WDPCP: variants seen among roughly 807,000 people sequenced by gnomAD.
WDPCP encodes WD repeat-containing and planar cell polarity effector protein fritz homolog.
WDPCP carries 71 observed loss-of-function variants against 93.1 expected under a neutral mutation model. The ratio of observed to expected loss-of-function variants is 0.76; its 90% CI spans 0.63 to 0.93. The LOEUF (loss-of-function observed/expected upper bound fraction) is 0.93. WDPCP is among the 40% of genes least tolerant of loss of function. The pLI is 0.00. For missense variants in WDPCP, 844 were observed against 887.4 expected (o/e 0.95, Z 0.62); for synonymous variants, 315 against 315.0 (o/e 1.00, Z 0.00).
At chr2:63,403,286 T>C (rs755122981) in intron 10 of WDPCP, among the ~76,000 whole-genome samples, 2 of 151,638 alleles carry the variant, frequency 1.3e-5, no homozygotes, top group Non-Finnish European at 2.9e-5. Context: ...GAGGAGGATA[T>C]GAGGAGGGAG....
chr2:63,474,921 G>A (rs551775013), intron 6 of WDPCP, among the ~76,000 whole-genome samples: 1 of 152,176 alleles, frequency 6.6e-6, no homozygotes, highest in East Asian at 1.9e-4. Flanking sequence ...GTGAATAGTG[G>A]GTAATACTGA....
chr2:63,301,422 T>C (rs759112428), intron 13 of WDPCP, among the ~76,000 whole-genome samples: 2 of 152,172 alleles, frequency 1.3e-5, no homozygotes, highest in Non-Finnish European at 2.9e-5. Context: ...GGGTAAACGC[T>C]TCAGCACAGG....
chr2:63,151,624 A>G (rs1345620064), intron 17 of WDPCP, among the ~76,000 whole-genome samples: 1 of 152,240 alleles, frequency 6.6e-6, no homozygotes, highest in Non-Finnish European at 1.5e-5. Context: ...TTCGCAAATT[A>G]AACAAATTCT....
intron 2 of WDPCP, among the ~76,000 whole-genome samples, chr2:63,771,898 T>C (rs1211915896): frequency 6.6e-6 from 1 of 152,092 alleles, no homozygotes; most frequent in Non-Finnish European, 1.5e-5. Flanking sequence ...AATGGCTGCA[T>C]AGTATTCCAT....
rs1225404392 is a variant in WDPCP, at chr2:63,458,122, CA to C, written c.385-18252del. On this transcript the variant is annotated intron_variant, in intron 6 of 17. Transcript: ENST00000272321. ...CTGGCGACAGTGTGAGACTCCGTCT[CA>C]AAAAAAAAAAAAAGAAAAAAAAAAC... Among the ~76,000 whole-genome samples, 399 of 56,396 alleles carry C rather than the reference CA, an allele frequency of 7.1e-3. 1 individual carries two copies. The highest frequency in any genetic ancestry group is 0.019 in the African/African-American group (294 of 15,440). The allele number at this position is 56,396 out of a possible 152,430, so 37.0% of individuals were successfully genotyped here. A position where few individuals can be genotyped will look rare whatever the true frequency, so the allele number is the denominator to read the frequency against.
chr2:63,329,761 C>G (rs924860094), intron 12 of WDPCP, among the ~76,000 whole-genome samples: 7 of 152,076 alleles, frequency 4.6e-5, no homozygotes, highest in Admixed American at 4.6e-4. Context: ...CCTCATTTCC[C>G]TAACTTTCTG....
intron 3 of WDPCP, among the ~76,000 whole-genome samples, chr2:63,612,651 C>G (rs934536526): frequency 6.6e-6 from 1 of 152,154 alleles, no homozygotes; most frequent in East Asian, 1.9e-4. Context: ...AAGCTTAAAA[C>G]CTTTTCCTTT....
At position 63,785,245 on chromosome 2, in the gene WDPCP, C is replaced by A. The variant is rs1575772547; in HGVS notation, n.308+28377G>T. Among the ~76,000 whole-genome samples, 6 of 152,206 alleles carry A rather than the reference C, an allele frequency of 3.9e-5. 1 individual carries two copies. The South Asian group carries it at 1.2e-3, about 32-fold the overall frequency. ...AAAATGTCTTTTTTGTTCCCAGGTT[C>A]TTTTCACACCAGAGGAGTTACTCCT... On this transcript the variant is annotated intron_variant and non_coding_transcript_variant, in intron 2 of 4. Coordinates refer to the WDPCP transcript ENST00000467687.
intron 2 of WDPCP, among the ~76,000 whole-genome samples, chr2:63,683,985 G>A (rs1197592107): frequency 6.6e-6 from 1 of 152,004 alleles, no homozygotes; most frequent in South Asian, 2.1e-4. Context: ...AATATTACTA[G>A]AGTTAAAGAG....
At chr2:63,805,279 G>T (rs1418805091) in intron 2 of WDPCP, among the ~76,000 whole-genome samples, 1 of 152,180 alleles carries the variant, frequency 6.6e-6, no homozygotes, top group East Asian at 1.9e-4. Flanking sequence ...TCTCATTTAA[G>T]ATCATGGAAT....
At chr2:63,360,726 G>C (rs181117394) in intron 12 of WDPCP, among the ~76,000 whole-genome samples, 35 of 152,288 alleles carry the variant, frequency 2.3e-4, no homozygotes, top group African/African-American at 7.5e-4. Flanking sequence ...GGCACCTGTT[G>C]TTTCACACTT....
chr2:63,517,382 CCTGT>C (rs1337732164), intron 1 of WDPCP, among the ~76,000 whole-genome samples: 1 of 152,088 alleles, frequency 6.6e-6, no homozygotes, highest in African/African-American at 2.4e-5. Flanking sequence ...ATTGCCTCTG[CCTGT>C]CTCTTGTACA....
At chr2:63,719,588 T>C (rs1669386985) in intron 2 of WDPCP, among the ~76,000 whole-genome samples, 1 of 152,174 alleles carries the variant, frequency 6.6e-6, no homozygotes, top group South Asian at 2.1e-4. Flanking sequence ...AGAATATTTG[T>C]TCAATACAAT....
intron 14 of WDPCP, among the ~76,000 whole-genome samples, chr2:63,242,767 G>A (rs1679960864): frequency 6.6e-6 from 1 of 152,158 alleles, no homozygotes; most frequent in African/African-American, 2.4e-5. Flanking sequence ...TGTAGCCTTA[G>A]GAACAGGTTC....
intron 1 of WDPCP, among the ~76,000 whole-genome samples, chr2:63,818,473 A>G (rs1046387142): frequency 6.6e-6 from 1 of 152,224 alleles, no homozygotes; most frequent in African/African-American, 2.4e-5. Flanking sequence ...TGAGGAGAAC[A>G]GTTAGGGGTC....
chr2:63,236,830 A>G (rs1443813906), intron 14 of WDPCP, among the ~76,000 whole-genome samples: 1 of 152,190 alleles, frequency 6.6e-6, no homozygotes, highest in Non-Finnish European at 1.5e-5. Flanking sequence ...AAATTAAGTC[A>G]AGATGAATAA....
chr2:63,706,020 C>T (rs1364274556), intron 2 of WDPCP, among the ~76,000 whole-genome samples: 1 of 152,156 alleles, frequency 6.6e-6, no homozygotes, highest in African/African-American at 2.4e-5. Context: ...GTTAGTTCTT[C>T]TTGTTGAATT....
At chr2:63,260,521 T>C (rs1211342775) in intron 13 of WDPCP, among the ~76,000 whole-genome samples, 1 of 152,134 alleles carries the variant, frequency 6.6e-6, no homozygotes, top group African/African-American at 2.4e-5. Context: ...CATGTAACAT[T>C]TACTGGGAAT....
At chr2:63,759,027 C>T (rs989391376) in intron 2 of WDPCP, among the ~76,000 whole-genome samples, 2 of 150,866 alleles carry the variant, frequency 1.3e-5, no homozygotes, top group Admixed American at 6.6e-5. Context: ...GTGATCCACC[C>T]GCTTTGGCCT....
Sources: allele counts gnomAD v4.1 joint callset (sites outside exome capture counted in the v4.1 genomes callset), GRCh38; gene constraint gnomAD v4.1.1; transcripts MANE v1.5; gene names NCBI Gene and HGNC (gene_info 2026-07-23, HGNC 2026-07-21).